Variants in FAM149A observed in about 807,000 individuals in gnomAD.
FAM149A encodes the protein protein FAM149A.
A neutral mutation model predicts 78.2 loss-of-function variants in FAM149A; 71 were observed. The observed-to-expected ratio is 0.91, with a 90% CI of 0.75 to 1.11. FAM149A has a LOEUF of 1.11. FAM149A is among the 50% of genes least tolerant of loss of function. The probability of loss-of-function intolerance (pLI) is 0.00; values close to 1 mark genes in which losing one functional copy is unlikely to be tolerated. For synonymous variants in FAM149A, 446 were observed against 410.5 expected, an observed-to-expected ratio of 1.09 and a Z score of -1.04; for missense variants, 1,036 against 971.0, an observed-to-expected ratio of 1.07 and a Z score of -0.89.
Position 186,144,344 on chromosome 4 carries a change from C to T in FAM149A, c.567-4829C>T, listed in dbSNP as rs969747066. On this transcript the variant is annotated intron_variant, in intron 1 of 13. Transcript: ENST00000389354. The surrounding 1 kb of genome is among the most constrained non-coding windows in gnomAD (Gnocchi z 4.2). ...GCTTGTGTGAGCCGGTAGGGCAGGA[C>T]GGGCGTGGAAGGGTCCACGTCTTTA... The T allele has an allele frequency of 8.5e-5, 13 of 152,358 alleles. No homozygotes were observed. The highest frequency in any genetic ancestry group is 3.1e-4 in the African/African-American group (13 of 41,576). 9.4% of individuals were successfully genotyped at this position (152,358 alleles called of 1,614,324 possible).
At chr4:186,129,582 G>A (rs148990840) in intron 1 of FAM149A, among the ~76,000 whole-genome samples, 6 of 152,270 alleles carry the variant, frequency 3.9e-5, no homozygotes, top group African/African-American at 1.2e-4. Flanking sequence ...TAAAGACCAC[G>A]CAGGAATTAG....
intron 3 of FAM149A, among the ~76,000 whole-genome samples, chr4:186,150,315 G>A (rs561023333): frequency 1.3e-5 from 2 of 150,968 alleles, no homozygotes; most frequent in East Asian, 3.9e-4. Context: ...CCACCTGGCT[G>A]CAGCACCTTG....
Position 186,165,406 on chromosome 4 carries a change from C to A in FAM149A, c.1952C>A (p.Pro651Gln). ...CAAACGTCACGGAGCAGGTTCCCCC[C>A]GCTAGTCACGGAGACCAGGGGGCAG... Residue 651 changes from proline (P) to glutamine (Q), a missense_variant, in exon 11 of 14, where the codon CCG (proline) becomes CAG (glutamine). Transcript: ENST00000389354. 4 of 1,614,028 alleles carry A rather than the reference C, an allele frequency of 2.5e-6. No homozygotes were observed. Among genetic ancestry groups the A allele is most frequent in the Non-Finnish European group, 3.4e-6 (4 of 1,179,872 alleles).
intron 1 of FAM149A, chr4:186,124,230 CT>C (rs2099317283): frequency 1.3e-5 from 13 of 984,696 alleles, no homozygotes; most frequent in Non-Finnish European, 1.6e-5. Flanking sequence ...CTTTCGGTTT[CT>C]TGCCATTTTT....
chr4:186,121,385 T>A (rs1457842014), intron 1 of FAM149A, among the ~76,000 whole-genome samples: 1 of 152,228 alleles, frequency 6.6e-6, no homozygotes, highest in African/African-American at 2.4e-5. Context: ...TATATTTGTT[T>A]AACATTTAAC....
intron 1 of FAM149A, among the ~76,000 whole-genome samples, chr4:186,143,758 T>G (rs1732742768): frequency 6.6e-6 from 1 of 152,178 alleles, no homozygotes; most frequent in African/African-American, 2.4e-5. Flanking sequence ...CTTGAACTCC[T>G]GATCTCAAGT....
intron 1 of FAM149A, among the ~76,000 whole-genome samples, chr4:186,118,884 T>C (rs982241361): frequency 1.3e-5 from 2 of 152,180 alleles, no homozygotes; most frequent in African/African-American, 2.4e-5. Context: ...TCCAAGCTTG[T>C]AAGTTTCAGT....
rs1390816946 is a variant in FAM149A, at chr4:186,141,395, AAATT to A, written c.567-7773_567-7770del. On this transcript the variant is annotated intron_variant, in intron 1 of 13. Transcript: ENST00000389354. ...TATATTAGATTAAAATATATCATTA[AAATT>A]AATTGTACCTGTTTCTTTTACTTTA... Among the ~76,000 whole-genome samples, 6 of 152,314 alleles carry A rather than the reference AAATT, an allele frequency of 3.9e-5. No homozygotes were observed. In the East Asian group the frequency reaches 7.7e-4, roughly 20 times the overall value.
Position 186,152,060 on chromosome 4 carries a change from G to C in FAM149A, c.932+15G>C. 1 of 1,612,954 alleles carries C rather than the reference G, an allele frequency of 6.2e-7. No homozygotes were observed. Among genetic ancestry groups the C allele is most frequent in the Non-Finnish European group, 8.5e-7 (1 of 1,179,854 alleles). On this transcript the variant is annotated intron_variant, in intron 4 of 13. Coordinates refer to ENST00000389354, the MANE Select transcript of FAM149A (RefSeq NM_001367768.3). The stretch of plus-strand genomic sequence containing the variant: ...CTCCATTTGAGGTGGGACCTTGGTG[G>C]TGGAAGTTCTCTGGGGTGGGTTTTC...
chr4:186,142,082 T>C (rs1704014981), intron 1 of FAM149A, among the ~76,000 whole-genome samples: 1 of 152,058 alleles, frequency 6.6e-6, no homozygotes. Context: ...TGAGGAAGTC[T>C]CGGTAGAAGC....
chr4:186,131,441 TCAG>T (rs2099320703), intron 1 of FAM149A, among the ~76,000 whole-genome samples: 1 of 152,106 alleles, frequency 6.6e-6, no homozygotes, highest in African/African-American at 2.4e-5. Context: ...TTGGCAGCCT[TCAG>T]CAAGCCAGGA....
intron 4 of FAM149A, 71 bp from the exon 5 acceptor site, chr4:186,153,574 A>G: frequency 6.4e-7 from 1 of 1,558,234 alleles, no homozygotes. Context: ...ATTGTCTCCT[A>G]CTTTTAAAAT....
intron 1 of FAM149A, among the ~76,000 whole-genome samples, chr4:186,110,663 C>T (rs1184288982): frequency 1.5e-5 from 2 of 132,194 alleles, no homozygotes; most frequent in African/African-American, 2.9e-5. Flanking sequence ...TTTGTTCTTG[C>T]GATAGTTTAC....
chr4:186,132,882 G>A (rs2099321287), intron 1 of FAM149A: 1 of 821,668 alleles, frequency 1.2e-6, no homozygotes, highest in Non-Finnish European at 1.5e-6. Context: ...CCAAGTTTCT[G>A]TTTTGCTTTC....
intron 1 of FAM149A, chr4:186,109,660 T>C (rs1191169559): frequency 3.0e-6 from 3 of 984,388 alleles, no homozygotes; most frequent in Non-Finnish European, 3.6e-6. Context: ...TATGGAGAAA[T>C]GCTAAAAAAG....
chr4:186,149,142 G>A, intron 1 of FAM149A, 31 bp from the exon 2 acceptor site: 3 of 1,261,336 alleles, frequency 2.4e-6, no homozygotes, highest in East Asian at 5.6e-5. Context: ...ATTACATTAG[G>A]GAGACTCGTC....
intron 1 of FAM149A, chr4:186,132,093 C>T: frequency 2.0e-6 from 2 of 985,446 alleles, no homozygotes; most frequent in Non-Finnish European, 2.4e-6. Flanking sequence ...GATAACACGT[C>T]ATTTCCACAG....
Position 186,105,502 on chromosome 4 carries a change from G to A in FAM149A, c.426G>A (p.Arg142=). 3 of 1,184,550 alleles carry A rather than the reference G, an allele frequency of 2.5e-6. No individual in the cohort carries two copies. The highest frequency in any genetic ancestry group is 3.2e-6 in the Non-Finnish European group (3 of 945,884). 73.4% of individuals were successfully genotyped at this position (1,184,550 alleles called of 1,614,324 possible). ...GCGGGGTCTGGGCCGCGCTCCCCAG[G>A]AACCCGCTCCAGCCTGGCCCCGGAG... Residue 142 remains arginine (R), a synonymous_variant, in exon 1 of 14, where the codon AGG becomes AGA. Transcript: ENST00000389354.
chr4:186,130,293 C>CTCTA lies in FAM149A; in HGVS notation c.567-18879_567-18878insCTAT. The CTCTA allele has an allele frequency of 1.2e-3, 57 of 46,586 alleles. 1 individual carries two copies. Among genetic ancestry groups the CTCTA allele is most frequent in the East Asian group, 7.7e-4 (1 of 1,302 alleles). 2.9% of individuals were successfully genotyped at this position (46,586 alleles called of 1,614,324 possible). ...TCTCTCTCTCTCTCTCTCTCTCTCT[C>CTCTA]TATATATATATATATATATATAATC... is the stretch of plus-strand genomic sequence containing the variant. On this transcript the variant is annotated intron_variant, in intron 1 of 13. Coordinates refer to ENST00000389354, the MANE Select transcript of FAM149A (RefSeq NM_001367768.3).
Sources: gnomAD v4.1 joint callset for allele counts (sites outside exome capture counted in the v4.1 genomes callset) on GRCh38, gnomAD v4.1.1 for gene constraint, Gnocchi (gnomAD v3.1) non-coding constraint, MANE v1.5 for transcripts, NCBI Gene and HGNC (gene_info 2026-07-23, HGNC 2026-07-21) for gene names.